NFAM1: variants seen among roughly 807,000 people sequenced by gnomAD.
The protein encoded by NFAM1 is NFAT activating protein with ITAM motif 1, also known as NFAT activation molecule 1.
NFAM1 carries 17 observed loss-of-function variants against 29.0 expected under a neutral mutation model. The observed-to-expected ratio is 0.59, with a 90% CI of 0.40 to 0.88. NFAM1 has a LOEUF of 0.88. Ranked by LOEUF, NFAM1 falls within the 40% of genes least tolerant of loss-of-function variation. The probability of loss-of-function intolerance (pLI) is 0.00; values close to 1 mark genes in which losing one functional copy is unlikely to be tolerated. For synonymous variants in NFAM1, 175 were observed against 147.2 expected, an observed-to-expected ratio of 1.19 and a Z score of -1.36; for missense variants, 324 against 344.6, an observed-to-expected ratio of 0.94 and a Z score of 0.47.
At position 42,384,573 on chromosome 22, in the gene NFAM1, G is replaced by T. The variant is rs571140848; in HGVS notation, c.*588C>A. The stretch of plus-strand genomic sequence containing the variant: ...CAGATCTGTCCCTGATCCTAGTCTT[G>T]CCTCTGAGGGGTCCATCATCCTTGT... On this transcript the variant is annotated 3_prime_UTR_variant, in exon 6 of 6. Transcript: ENST00000329021. 22 of 160,982 alleles carry T rather than the reference G, an allele frequency of 1.4e-4. No individual in the cohort carries two copies. Among genetic ancestry groups the T allele is most frequent in the African/African-American group, 5.0e-4 (21 of 41,604 alleles). 10.0% of individuals were successfully genotyped at this position (160,982 alleles called of 1,614,324 possible).
intron 3 of NFAM1, among the ~76,000 whole-genome samples, chr22:42,399,490 GAGA>G (rs1221464233): frequency 4.0e-5 from 6 of 151,492 alleles, no homozygotes; most frequent in African/African-American, 7.3e-5. Context: ...GAGAGAGAGA[GAGA>G]AGGTCAGTGT....
intron 1 of NFAM1, among the ~76,000 whole-genome samples, chr22:42,431,330 G>T (rs1026220141): frequency 6.6e-6 from 1 of 152,172 alleles, no homozygotes; most frequent in African/African-American, 2.4e-5. Context: ...ATGAGAGGGG[G>T]TGCAGCAGGA....
intron 5 of NFAM1, among the ~76,000 whole-genome samples, chr22:42,385,678 G>C (rs776737709): frequency 6.7e-6 from 1 of 149,848 alleles, no homozygotes; most frequent in Admixed American, 6.6e-5. Flanking sequence ...TGGGGTCAGC[G>C]ACCTATTCCT....
intron 4 of NFAM1, among the ~76,000 whole-genome samples, chr22:42,389,273 A>G (rs1569225291): frequency 6.7e-6 from 1 of 148,920 alleles, no homozygotes; most frequent in Non-Finnish European, 1.5e-5. Flanking sequence ...CAGGCCCCCA[A>G]CCCATACAGT....
intron 3 of NFAM1, among the ~76,000 whole-genome samples, chr22:42,403,313 C>T (rs931462955): frequency 2.0e-5 from 3 of 152,236 alleles, no homozygotes; most frequent in African/African-American, 7.2e-5. Context: ...TACTTCCTTT[C>T]TTCCTGAACA....
chr22:42,397,739 C>T, intron 4 of NFAM1, 119 bp downstream of exon 4: 1 of 670,730 alleles, frequency 1.5e-6, no homozygotes, highest in Non-Finnish European at 2.7e-6. Context: ...AGATGAGGAA[C>T]TTGAGGCTAG....
chr22:42,402,009 C>T (rs973061602), intron 3 of NFAM1, among the ~76,000 whole-genome samples: 2 of 152,236 alleles, frequency 1.3e-5, no homozygotes, highest in African/African-American at 4.8e-5. Context: ...GCTGGGGACA[C>T]TAAGTCCCCC....
At chr22:42,385,341 T>TG in intron 5 of NFAM1, 121 bp from the exon 6 acceptor site, 2 of 743,122 alleles carry the variant, frequency 2.7e-6, no homozygotes, top group South Asian at 1.5e-5. Flanking sequence ...GTAGCTTTGA[T>TG]GGGGGGCCTG....
intron 1 of NFAM1, among the ~76,000 whole-genome samples, chr22:42,424,052 C>T (rs552726582): frequency 2.6e-5 from 4 of 152,166 alleles, no homozygotes; most frequent in African/African-American, 4.8e-5. Flanking sequence ...CTGCCTGACT[C>T]GGCCTCCCAA....
upstream of NFAM1, among the ~76,000 whole-genome samples, chr22:42,435,578 C>G (rs1930919320): frequency 6.6e-6 from 1 of 151,926 alleles, no homozygotes; most frequent in Non-Finnish European, 1.5e-5. Flanking sequence ...AACTCCCAAC[C>G]TCAGGTGATC....
intron 1 of NFAM1, among the ~76,000 whole-genome samples, chr22:42,431,648 G>C (rs865817069): frequency 6.6e-6 from 1 of 152,226 alleles, no homozygotes; most frequent in Non-Finnish European, 1.5e-5. Flanking sequence ...CGCTGGCGTG[G>C]AAAGACACAC....
rs1930385344 is a variant in NFAM1 at position 42,419,989 on chromosome 22, GGTTTTTTTTTTTTTTTTTTTTT to G, written c.122-8275_122-8254del. Among the ~76,000 whole-genome samples the G allele has an allele frequency of 3.5e-5, 2 of 56,528 alleles. No homozygotes were observed. The highest frequency in any genetic ancestry group is 1.7e-4 in the Admixed American group (1 of 5,726). The allele number at this position is 56,528 out of a possible 152,430, so 37.1% of individuals were successfully genotyped here. A position where few individuals can be genotyped will look rare whatever the true frequency, so the allele number is the denominator to read the frequency against. On this transcript the variant is annotated intron_variant, in intron 1 of 5. Coordinates refer to ENST00000329021, the MANE Select transcript of NFAM1 (RefSeq NM_145912.8). This position sits in a 1 kb window ranked among gnomAD's most constrained non-coding sequence, Gnocchi z 4.5. ...CCTTTGAGTCTGTAATCCCACTCTT[GGTTTTTTTTTTTTTTTTTTTTT>G]TTTTTTTTTTTTTTTCTGAGGCAGA...
chr22:42,417,761 G>A (rs1412058982), intron 1 of NFAM1, among the ~76,000 whole-genome samples: 1 of 152,164 alleles, frequency 6.6e-6, no homozygotes, highest in Non-Finnish European at 1.5e-5. Context: ...ATGGTGCAGG[G>A]AGAGGGGAGA....
chr22:42,429,519 G>A (rs1005528388), intron 1 of NFAM1, among the ~76,000 whole-genome samples: 3 of 152,240 alleles, frequency 2.0e-5, no homozygotes, highest in Admixed American at 2.0e-4. Flanking sequence ...AGGAGGCTGA[G>A]GCAGGAGAAT....
At chr22:42,386,059 C>T (rs1438291302) in intron 5 of NFAM1, among the ~76,000 whole-genome samples, 1 of 152,126 alleles carries the variant, frequency 6.6e-6, no homozygotes, top group African/African-American at 2.4e-5. Flanking sequence ...ATCCACTTTA[C>T]AGATGAGCAA....
chr22:42,407,081 C>CTT (rs1177618694), intron 3 of NFAM1, among the ~76,000 whole-genome samples: 15 of 118,974 alleles, frequency 1.3e-4, no homozygotes, highest in East Asian at 2.5e-4. Flanking sequence ...GGACCTTCCT[C>CTT]TTTTTTTTTT....
At chr22:42,410,312 G>A (rs1930039214) in intron 2 of NFAM1, 2 of 284,680 alleles carry the variant, frequency 7.0e-6, no homozygotes, top group Non-Finnish European at 1.4e-5. Context: ...AGAGAATCAG[G>A]GCTTTGGTGA....
intron 4 of NFAM1, among the ~76,000 whole-genome samples, chr22:42,396,103 C>G (rs984050619): frequency 2.0e-5 from 3 of 152,122 alleles, no homozygotes; most frequent in African/African-American, 7.2e-5. Flanking sequence ...AGTTGGTAGA[C>G]CCTTATGTCA....
At chr22:42,437,912 C>T in the NFAM1 span, 2 of 152,380 alleles carry the variant, frequency 1.3e-5, no homozygotes, top group East Asian at 3.9e-4. Context: ...CTCTTTAAAT[C>T]CCTTCCTGGG....
Sources: gnomAD v4.1 joint callset for allele counts (sites outside exome capture counted in the v4.1 genomes callset) on GRCh38, gnomAD v4.1.1 for gene constraint, Gnocchi (gnomAD v3.1) non-coding constraint, MANE v1.5 for transcripts, NCBI Gene and HGNC (gene_info 2026-07-23, HGNC 2026-07-21) for gene names.